CRELD1: variants seen among roughly 807,000 people sequenced by gnomAD.
CRELD1 encodes the protein CRELD disulfide isomerase 1, also known as protein disulfide isomerase CRELD1.
A neutral mutation model predicts 58.2 loss-of-function variants in CRELD1; 42 were observed. That is an observed-to-expected ratio of 0.72 (90% confidence interval 0.56 to 0.93). The LOEUF is 0.93. Among genes scored for constraint, CRELD1 ranks in the 40% least tolerant of loss-of-function variants. CRELD1 has a pLI of 0.00. For missense variants in CRELD1, 500 were observed against 540.6 expected, an observed-to-expected ratio of 0.92 and a Z score of 0.74; for synonymous variants, 222 against 202.0, an observed-to-expected ratio of 1.10 and a Z score of -0.84.
intron 5 of CRELD1, among the ~76,000 whole-genome samples, chr3:9,939,140 AAAAT>A (rs201401416): frequency 0.23 from 33,526 of 144,550 alleles, 3,971 homozygotes; most frequent in Middle Eastern, 0.32. Context: ...CCTGTCACTA[AAAAT>A]AAATAAATAA....
intron 7 of CRELD1, 112 bp from the exon 8 acceptor site, chr3:9,942,701 G>T: frequency 1.2e-6 from 1 of 849,886 alleles, no homozygotes; most frequent in Non-Finnish European, 2.0e-6. Flanking sequence ...TAGACAGCTT[G>T]CAGTCTCTGC....
At chr3:9,934,387 T>C (rs1278093969) in intron 1 of CRELD1, 33 bp from the exon 2 acceptor site, 1 of 1,523,388 alleles carries the variant, frequency 6.6e-7, no homozygotes. Flanking sequence ...CCTGACTCCT[T>C]CAGTGAAGCC....
chr3:9,934,472 G>A lies in CRELD1; in HGVS notation c.34G>A (p.Ala12Thr), dbSNP rs775777075. Reference protein sequence around the residue: ...APWPPKGLVPAMLWGLSLFLN... With the variant: ...APWPPKGLVPTMLWGLSLFLN... Reference sequence around the variant, plus strand: ...ATGGCCCCCGAAGGGCCTAGTCCCAGCTATGCTCTGGGGCCTCAGCCTCTT... The same window carrying A: ...ATGGCCCCCGAAGGGCCTAGTCCCAACTATGCTCTGGGGCCTCAGCCTCTT... The change falls in exon 2 of 11, where the codon GCT becomes ACT. Residue 12 changes from alanine to threonine, a missense_variant. Transcript: ENST00000452070. 5 of 1,613,946 alleles carry A rather than the reference G, an allele frequency of 3.1e-6. No individual in the cohort carries two copies. The highest frequency in any genetic ancestry group is 4.2e-6 in the Non-Finnish European group (5 of 1,179,954).
At chr3:9,934,760 C>G (rs2085120285) in intron 2 of CRELD1, 75 bp from the exon 3 acceptor site, 1 of 1,525,976 alleles carries the variant, frequency 6.6e-7, no homozygotes, top group African/African-American at 1.4e-5. Flanking sequence ...GCCTCAGTTT[C>G]CTAGTCAGTA....
chr3:9,943,217 C>T (rs1392820057), intron 9 of CRELD1, 45 bp downstream of exon 9: 1 of 1,585,464 alleles, frequency 6.3e-7, no homozygotes, highest in Non-Finnish European at 8.7e-7. Context: ...GAGTGCCTCA[C>T]CCAGCATGAA....
rs1019888360 is a variant in CRELD1, at chr3:9,943,426, A to T, written c.959A>T (p.Gln320Leu). 3.7e-6 allele frequency: 6 copies of T among 1,612,530 alleles called. No homozygotes were observed. Among genetic ancestry groups the T allele is most frequent in the Non-Finnish European group, 5.1e-6 (6 of 1,178,736 alleles). The change falls in exon 10 of 11, where the codon CAG becomes CTG. Residue 320 changes from glutamine (Q) to leucine (L), a missense_variant. Transcript: ENST00000452070. ...GAGGTGTGTCCGGGAGAGAACAAGC[A>T]GTGTGAAAACACCGAGGGCGGTTAT... ...ETEVCPGENK[Q>L]CENTEGGYRC...
At chr3:9,941,286 G>A in intron 7 of CRELD1, 80 bp downstream of exon 7, 1 of 1,280,882 alleles carries the variant, frequency 7.8e-7, no homozygotes, top group Non-Finnish European at 1.1e-6. Context: ...ACAAGCCTGG[G>A]CTAGACTAGC....
chr3:9,940,860 G>T lies in CRELD1; in HGVS notation c.471G>T (p.Gly157=), dbSNP rs1406592819. The change falls in exon 6 of 11, where the codon GGG becomes GGT. Residue 157 remains glycine, a synonymous_variant. Coordinates refer to ENST00000452070, the MANE Select transcript of CRELD1 (RefSeq NM_001077415.3). ...TFGPSCLPCP[G]GTERPCGGYG... ...GGTGTCTTCCCACAGCCTGTCCTGGGGGAACAGAGAGGCCCTGCGGTGGCT... is the reference window on the plus strand; with the variant it reads ...GGTGTCTTCCCACAGCCTGTCCTGGTGGAACAGAGAGGCCCTGCGGTGGCT... 6.2e-7 allele frequency: 1 copy of T among 1,613,996 alleles called. No individual in the cohort carries two copies. Among genetic ancestry groups the T allele is most frequent in the Admixed American group, 1.7e-5 (1 of 60,024 alleles).
At chr3:9,934,985 G>A in intron 3 of CRELD1, 68 bp downstream of exon 3, 2 of 1,321,860 alleles carry the variant, frequency 1.5e-6, no homozygotes, top group Non-Finnish European at 2.1e-6. Context: ...GCTGGTGTAG[G>A]GCTAGGAACT....
chr3:9,941,789 CAAAAAAAAAAA>C (rs34088708), intron 7 of CRELD1, among the ~76,000 whole-genome samples: 12 of 20,646 alleles, frequency 5.8e-4, no homozygotes, highest in Middle Eastern at 0.033. Flanking sequence ...GACTCCATCT[CAAAAAAAAAAA>C]AAAAAAAAAA....
Position 9,940,830 on chromosome 3 carries a change from G to A in CRELD1, c.461-20G>A. The stretch of plus-strand genomic sequence containing the variant: ...CAAGGTTGTATAGATGACCTCACCT[G>A]GTTTGGTGTCTTCCCACAGCCTGTC... On this transcript the variant is annotated intron_variant, in intron 5 of 10. Transcript: ENST00000452070. 1 of 1,602,304 alleles carries A rather than the reference G, an allele frequency of 6.2e-7. No individual in the cohort carries two copies. The highest frequency in any genetic ancestry group is 8.5e-7 in the Non-Finnish European group (1 of 1,173,094).
chr3:9,941,529 G>A (rs1318553016), intron 7 of CRELD1, among the ~76,000 whole-genome samples: 4 of 152,124 alleles, frequency 2.6e-5, no homozygotes, highest in East Asian at 1.9e-4. Flanking sequence ...GGTGGCTCAC[G>A]CCTGTAATCC....
intron 10 of CRELD1, chr3:9,944,095 C>A (rs147605200): frequency 2.5e-6 from 2 of 791,966 alleles, no homozygotes; most frequent in African/African-American, 3.4e-5. Context: ...GACTCATACA[C>A]GTAATAAATG....
chr3:9,937,751 G>A (rs900360096), intron 4 of CRELD1, 79 bp downstream of exon 4: 11 of 1,028,390 alleles, frequency 1.1e-5, no homozygotes, highest in Admixed American at 2.0e-5. Flanking sequence ...CGAGAAGCAG[G>A]GGGGTGCATG....
intron 3 of CRELD1, among the ~76,000 whole-genome samples, chr3:9,936,956 C>A (rs1386836675): frequency 1.3e-5 from 2 of 152,200 alleles, no homozygotes; most frequent in Non-Finnish European, 2.9e-5. Flanking sequence ...AACCATGCAT[C>A]AGTTGATGGA....
chr3:9,934,684 G>A (rs1395567406), intron 2 of CRELD1, 72 bp downstream of exon 2: 1 of 1,576,210 alleles, frequency 6.3e-7, no homozygotes, highest in East Asian at 2.3e-5. Flanking sequence ...ATGCAAATCT[G>A]CGTGGATTTA....
chr3:9,943,658 C>T, intron 10 of CRELD1, 143 bp downstream of exon 10: 1 of 1,563,428 alleles, frequency 6.4e-7, no homozygotes, highest in South Asian at 1.2e-5. Context: ...AGACCGGGCT[C>T]TACATCTGAT....
chr3:9,943,144 C>T lies in CRELD1; in HGVS notation c.885C>T (p.Gly295=), dbSNP rs2085415700. The T allele has an allele frequency of 1.2e-6, 2 of 1,613,486 alleles. No homozygotes were observed. The highest frequency in any genetic ancestry group is 3.3e-5 in the Admixed American group (2 of 60,002). ...GPGRCKKCSP[G]YQQVGSKCLD... ...GTCGCTGTAAGAAGTGTAGCCCTGG[C>T]TATCAGCAGGTGGGCTCCAAGTGTC... Residue 295 remains glycine, a synonymous_variant, in exon 9 of 11, where the codon GGC becomes GGT. Coordinates refer to ENST00000452070, the MANE Select transcript of CRELD1 (RefSeq NM_001077415.3).
chr3:9,937,127 C>G (rs1364761782), intron 3 of CRELD1, among the ~76,000 whole-genome samples: 4 of 152,202 alleles, frequency 2.6e-5, no homozygotes, highest in African/African-American at 9.6e-5. Context: ...TATTGAGGAA[C>G]TGCTTTTCCA....
Sources: allele counts gnomAD v4.1 joint callset (sites outside exome capture counted in the v4.1 genomes callset), GRCh38; gene constraint gnomAD v4.1.1; transcripts MANE v1.5; gene names NCBI Gene and HGNC (gene_info 2026-07-23, HGNC 2026-07-21).